The following NEDD9 variants were observed in gnomAD, a reference collection of about 807,000 sequenced individuals.
NEDD9 encodes neural precursor cell expressed, developmentally down-regulated 9.
In NEDD9, 26 loss-of-function variants were observed where a neutral mutation model predicts 76.6. That is an observed-to-expected ratio of 0.34 (90% CI 0.25 to 0.47). The LOEUF (loss-of-function observed/expected upper bound fraction) is 0.47, where lower values mean the gene tolerates loss of function less well. NEDD9 is among the 20% of genes least tolerant of loss of function. NEDD9 has a pLI of 1.00. For missense variants in NEDD9, 937 were observed against 1,058.5 expected, an observed-to-expected ratio of 0.89 and a Z score of 1.59; for synonymous variants, 392 against 414.2, an observed-to-expected ratio of 0.95 and a Z score of 0.65.
intron 1 of NEDD9, among the ~76,000 whole-genome samples, chr6:11,362,822 C>A (rs1259560735): frequency 6.6e-6 from 1 of 152,182 alleles, no homozygotes; most frequent in African/African-American, 2.4e-5. Context: ...TGTGTGAATT[C>A]TATTCTTGGA....
chr6:11,222,236 A>G (rs560985391), intron 1 of NEDD9, among the ~76,000 whole-genome samples: 1 of 152,294 alleles, frequency 6.6e-6, no homozygotes, highest in Non-Finnish European at 1.5e-5. Context: ...ACTGTTGTCC[A>G]TCTCCCAGCC....
chr6:11,295,846 G>A (rs1258093143), intron 3 of NEDD9, among the ~76,000 whole-genome samples: 1 of 152,164 alleles, frequency 6.6e-6, no homozygotes, highest in Admixed American at 6.5e-5. Flanking sequence ...AATGCAACCT[G>A]TGGTGTTGCT....
intron 1 of NEDD9, among the ~76,000 whole-genome samples, chr6:11,345,137 G>A (rs1372787398): frequency 6.6e-6 from 1 of 152,168 alleles, no homozygotes; most frequent in South Asian, 2.1e-4. Flanking sequence ...AGGGGAGTGA[G>A]AGTAAGAGAG....
intron 1 of NEDD9, among the ~76,000 whole-genome samples, chr6:11,362,775 A>C (rs149400065): frequency 6.6e-6 from 1 of 152,244 alleles, no homozygotes; most frequent in African/African-American, 2.4e-5. Context: ...TTAGCATTTG[A>C]GTGTTAATGG....
chr6:11,199,608 T>G (rs754792974), intron 2 of NEDD9: 3 of 139,522 alleles, frequency 2.2e-5, no homozygotes, highest in Non-Finnish European at 3.1e-5. Context: ...GAAGACAACT[T>G]AAAAAAATGA....
chr6:11,380,602 G>A (rs895783735), intron 1 of NEDD9, among the ~76,000 whole-genome samples: 1 of 152,180 alleles, frequency 6.6e-6, no homozygotes, highest in Non-Finnish European at 1.5e-5. Flanking sequence ...AGGGAGGCAG[G>A]ACACTGACTA....
rs118129038 is a variant in NEDD9, at chr6:11,288,767, C to G, written c.12+17225G>C. 4.4e-3 allele frequency among the ~76,000 whole-genome samples: 673 copies of G among 152,352 alleles called. 8 individuals are homozygous for G. The East Asian group carries it at 0.063, about 14-fold the overall frequency. ...CATCCAATCAGGCACAATGCAGCCA[C>G]TTGGCATTCTGCTCACTGACTTACA... is the stretch of plus-strand genomic sequence containing the variant. On this transcript the variant is annotated intron_variant, in intron 3 of 3. Transcript: ENST00000397378.
chr6:11,214,245 T>G (rs1758878416), intron 1 of NEDD9: 1 of 510,414 alleles, frequency 2.0e-6, no homozygotes, highest in African/African-American at 1.9e-5. Context: ...ATATATGCCT[T>G]GGCAGGGCTT....
At chr6:11,226,976 A>G (rs1047970476) in intron 1 of NEDD9, among the ~76,000 whole-genome samples, 5 of 152,200 alleles carry the variant, frequency 3.3e-5, no homozygotes, top group Non-Finnish European at 7.4e-5. Context: ...AACAAAGCCC[A>G]TGTTTTTTGT....
At chr6:11,322,874 T>C (rs764765893) in intron 2 of NEDD9, among the ~76,000 whole-genome samples, 54 of 152,268 alleles carry the variant, frequency 3.5e-4, no homozygotes, top group Non-Finnish European at 5.9e-4. Context: ...GAAGCATTGA[T>C]AGAAAAGGTC....
intron 3 of NEDD9, among the ~76,000 whole-genome samples, chr6:11,267,398 A>C (rs201558282): frequency 2.0e-5 from 3 of 150,886 alleles, no homozygotes; most frequent in Non-Finnish European, 4.4e-5. Context: ...AAAAAAAAAA[A>C]CCACCACTTC....
chr6:11,227,934 A>C (rs1183651663), intron 1 of NEDD9, among the ~76,000 whole-genome samples: 1 of 152,134 alleles, frequency 6.6e-6, no homozygotes, highest in African/African-American at 2.4e-5. Context: ...CAGGCCACTC[A>C]AGTCATGTAA....
chr6:11,329,568 A>T (rs888458895), intron 2 of NEDD9, among the ~76,000 whole-genome samples: 1 of 152,142 alleles, frequency 6.6e-6, no homozygotes, highest in Non-Finnish European at 1.5e-5. Flanking sequence ...TCTCAACTGT[A>T]ATGTTTTAAG....
chr6:11,261,098 G>A lies in NEDD9; in HGVS notation c.12+44894C>T, dbSNP rs1313497000. ...GGCACAAGATGTTTTGTGGCTCCCAGCAGTTTTCTTTTTGCAAGATTTGAG... is the reference window on the plus strand; with the variant it reads ...GGCACAAGATGTTTTGTGGCTCCCAACAGTTTTCTTTTTGCAAGATTTGAG... On this transcript the variant is annotated intron_variant, in intron 3 of 3. Coordinates refer to the NEDD9 transcript ENST00000397378. 5.3e-5 allele frequency among the ~76,000 whole-genome samples: 8 copies of A among 152,302 alleles called. No individual in the cohort carries two copies. The East Asian group carries it at 1.5e-3, about 29-fold the overall frequency.
intron 3 of NEDD9, among the ~76,000 whole-genome samples, chr6:11,279,450 G>A (rs550900922): frequency 1.3e-5 from 2 of 152,222 alleles, no homozygotes; most frequent in East Asian, 3.9e-4. Context: ...AACGGTCCGC[G>A]GCACCGGGAA....
chr6:11,285,124 C>T (rs1023098945), intron 3 of NEDD9, among the ~76,000 whole-genome samples: 2 of 152,100 alleles, frequency 1.3e-5, no homozygotes, highest in African/African-American at 2.4e-5. Context: ...TAGGTGCTAT[C>T]GTTTGCTTTT....
At chr6:11,269,665 G>T (rs775471645) in intron 3 of NEDD9, among the ~76,000 whole-genome samples, 1 of 151,948 alleles carries the variant, frequency 6.6e-6, no homozygotes, top group Non-Finnish European at 1.5e-5. Context: ...GGTTGTTTCG[G>T]TCTGTCATTA....
Position 11,184,958 on chromosome 6 carries a change from C to T in NEDD9, c.*204G>A. Reference sequence around the variant, plus strand: ...TATGTCTCAGATACTTCTATGTATACATAAGAACCACTCAGGGGGAAAAAA... The same window carrying T: ...TATGTCTCAGATACTTCTATGTATATATAAGAACCACTCAGGGGGAAAAAA... On this transcript the variant is annotated 3_prime_UTR_variant, in exon 7 of 7. Transcript: ENST00000379446. 1 of 605,062 alleles carries T rather than the reference C, an allele frequency of 1.7e-6. No homozygotes were observed. Among genetic ancestry groups the T allele is most frequent in the Non-Finnish European group, 2.7e-6 (1 of 367,776 alleles). 37.5% of individuals were successfully genotyped at this position (605,062 alleles called of 1,614,324 possible).
Position 11,232,367 on chromosome 6 carries a change from A to G in NEDD9, c.12+137T>C, listed in dbSNP as rs968947117. The G allele has an allele frequency of 2.8e-6, 3 of 1,063,184 alleles. No homozygotes were observed. In the African/African-American group the frequency reaches 4.7e-5, roughly 17 times the overall value. 65.9% of individuals were successfully genotyped at this position (1,063,184 alleles called of 1,614,324 possible). On this transcript the variant is annotated intron_variant, in intron 1 of 6. Transcript: ENST00000379446. ...TGCTTGCTTGTCTGCTTGCATGTCA[A>G]CCTCAGTGACCGAGACTCATCTTAG... is the stretch of plus-strand genomic sequence containing the variant.
Sources: gnomAD v4.1 joint callset for allele counts (sites outside exome capture counted in the v4.1 genomes callset) on GRCh38, gnomAD v4.1.1 for gene constraint, MANE v1.5 for transcripts, NCBI Gene and HGNC (gene_info 2026-07-23, HGNC 2026-07-21) for gene names.